Variants in ADAMTS18 observed in about 807,000 individuals in gnomAD.
The protein encoded by ADAMTS18 is A disintegrin and metalloproteinase with thrombospondin motifs 18.
ADAMTS18 carries 157 observed loss-of-function variants against 165.9 expected under a neutral mutation model. The observed-to-expected ratio is 0.95, with a 90% confidence interval of 0.83 to 1.08. The LOEUF is 1.08. Among genes scored for constraint, ADAMTS18 ranks in the 50% least tolerant of loss-of-function variants. The pLI is 0.00. For missense variants in ADAMTS18, 2,040 were observed against 1,534.0 expected, an observed-to-expected ratio of 1.33 and a Z score of -5.51; for synonymous variants, 782 against 578.2, an observed-to-expected ratio of 1.35 and a Z score of -5.06.
chr16:77,331,659 G>A (rs1386070947), intron 12 of ADAMTS18, among the ~76,000 whole-genome samples: 1 of 152,122 alleles, frequency 6.6e-6, no homozygotes, highest in Non-Finnish European at 1.5e-5. Context: ...GGTTGTCACA[G>A]TTTGGTGGGT....
At chr16:77,351,627 T>G (rs982877394) in intron 10 of ADAMTS18, among the ~76,000 whole-genome samples, 2 of 152,214 alleles carry the variant, frequency 1.3e-5, no homozygotes, top group African/African-American at 4.8e-5. Flanking sequence ...TAGAATGAAG[T>G]GAACAAGAGG....
chr16:77,283,796 C>A lies in ADAMTS18; in HGVS notation c.*160G>T, dbSNP rs2055194279. On this transcript the variant is annotated 3_prime_UTR_variant, in exon 23 of 23. Coordinates refer to ENST00000282849, the MANE Select transcript of ADAMTS18 (RefSeq NM_199355.4). ...GTGCTTCAGGGAATTGAGCTAGAAG[C>A]CTACTGGCAACCTGTCTGTTCCTCA... is the stretch of plus-strand genomic sequence containing the variant. 1 of 631,000 alleles carries A rather than the reference C, an allele frequency of 1.6e-6. No homozygotes were observed. Among genetic ancestry groups the A allele is most frequent in the Non-Finnish European group, 2.8e-6 (1 of 351,522 alleles). The allele number at this position is 631,000 out of a possible 1,614,324, so 39.1% of individuals were successfully genotyped here.
chr16:77,284,025 A>C lies in ADAMTS18; in HGVS notation c.3597T>G (p.Pro1199=). ...VDFFNWCHLV[P]QHGVCNHKFY... ...ACTTGTGGTTGCAGACACCATGCTGAGGAACTAGGTGACACCAGTTGAAGA... is the reference window on the plus strand; with the variant it reads ...ACTTGTGGTTGCAGACACCATGCTGCGGAACTAGGTGACACCAGTTGAAGA... The change falls in exon 23 of 23, where the codon CCT becomes CCG. Residue 1199 remains proline, a synonymous_variant. Coordinates refer to ENST00000282849, the MANE Select transcript of ADAMTS18 (RefSeq NM_199355.4). 1.2e-6 allele frequency: 2 copies of C among 1,613,976 alleles called. No individual in the cohort carries two copies. Among genetic ancestry groups the C allele is most frequent in the Non-Finnish European group, 1.7e-6 (2 of 1,179,908 alleles).
intron 3 of ADAMTS18, among the ~76,000 whole-genome samples, chr16:77,390,738 T>G (rs1375648061): frequency 6.6e-6 from 1 of 151,988 alleles, no homozygotes; most frequent in Non-Finnish European, 1.5e-5. Flanking sequence ...CCTGATGGCT[T>G]CCTTTAGACA....
intron 3 of ADAMTS18, among the ~76,000 whole-genome samples, chr16:77,380,548 G>A (rs1382925328): frequency 2.6e-5 from 4 of 152,130 alleles, no homozygotes; most frequent in African/African-American, 7.2e-5. Flanking sequence ...TAAGCTCTAT[G>A]TACTAATAGC....
chr16:77,405,709 G>A (rs899957261), intron 3 of ADAMTS18, among the ~76,000 whole-genome samples: 1 of 151,900 alleles, frequency 6.6e-6, no homozygotes, highest in African/African-American at 2.4e-5. Context: ...CGAAGCTCTG[G>A]CCACTATGGT....
intron 13 of ADAMTS18, among the ~76,000 whole-genome samples, chr16:77,323,707 G>C (rs990836472): frequency 6.6e-6 from 1 of 152,054 alleles, no homozygotes; most frequent in Admixed American, 6.6e-5. Context: ...TAAATTGCAG[G>C]AATGTCACAA....
At chr16:77,357,375 T>C (rs2562112) in intron 8 of ADAMTS18, among the ~76,000 whole-genome samples, 79,264 of 151,932 alleles carry the variant, frequency 0.52, 21,209 homozygotes, top group Non-Finnish European at 0.59. Flanking sequence ...AAAATAGGTA[T>C]TGACTAACGT....
At chr16:77,366,588 A>G (rs1372158355) in intron 4 of ADAMTS18, among the ~76,000 whole-genome samples, 2 of 152,172 alleles carry the variant, frequency 1.3e-5, no homozygotes, top group Non-Finnish European at 2.9e-5. Context: ...AAAACAAAAA[A>G]ACAAGCAAAA....
chr16:77,434,563 C>T (rs1391362570), intron 1 of ADAMTS18, 43 bp downstream of exon 1: 1 of 1,530,096 alleles, frequency 6.5e-7, no homozygotes, highest in South Asian at 1.2e-5. Flanking sequence ...GCGTCGGGCG[C>T]CCCCTGCCAC....
chr16:77,402,155 C>T (rs2057340041), intron 3 of ADAMTS18, among the ~76,000 whole-genome samples: 1 of 152,196 alleles, frequency 6.6e-6, no homozygotes, highest in African/African-American at 2.4e-5. Flanking sequence ...GGAACGCTGA[C>T]TAATACACTC....
At chr16:77,421,155 C>T (rs1475729391) in intron 3 of ADAMTS18, among the ~76,000 whole-genome samples, 3 of 152,192 alleles carry the variant, frequency 2.0e-5, no homozygotes, top group Non-Finnish European at 4.4e-5. Context: ...TTCCCAAGCT[C>T]AGCAGCATGA....
chr16:77,339,851 A>C (rs577288682), intron 11 of ADAMTS18, among the ~76,000 whole-genome samples: 1 of 151,264 alleles, frequency 6.6e-6, no homozygotes, highest in African/African-American at 2.4e-5. Flanking sequence ...TAAAACAAAG[A>C]GTTAAAAATT....
At chr16:77,432,715 A>G (rs932005699) in intron 2 of ADAMTS18, among the ~76,000 whole-genome samples, 1 of 152,024 alleles carries the variant, frequency 6.6e-6, no homozygotes, top group South Asian at 2.1e-4. Context: ...GAGGAGGAAA[A>G]GGAAGAGAAA....
chr16:77,355,321 G>C (rs1424450289), intron 9 of ADAMTS18, among the ~76,000 whole-genome samples: 1 of 151,890 alleles, frequency 6.6e-6, no homozygotes, highest in East Asian at 1.9e-4. Flanking sequence ...TAAGGTTTCT[G>C]TGTTATTAAA....
chr16:77,353,135 T>A (rs1247519634), intron 10 of ADAMTS18, among the ~76,000 whole-genome samples: 1 of 152,178 alleles, frequency 6.6e-6, no homozygotes, highest in African/African-American at 2.4e-5. Flanking sequence ...AAAGTTGAGA[T>A]TGTAATACTG....
At chr16:77,394,868 A>G (rs66465039) in intron 3 of ADAMTS18, among the ~76,000 whole-genome samples, 7,980 of 152,278 alleles carry the variant, frequency 0.052, 252 homozygotes, top group Non-Finnish European at 0.073. Context: ...GGGTGAGCCA[A>G]CTGGGCCATC....
intron 3 of ADAMTS18, among the ~76,000 whole-genome samples, chr16:77,402,121 G>A (rs555852692): frequency 5.3e-4 from 80 of 152,200 alleles, no homozygotes; most frequent in South Asian, 1.7e-3. Flanking sequence ...CTAATTGTAT[G>A]TCCTATGGGT....
At chr16:77,372,005 C>G (rs1392705063) in intron 3 of ADAMTS18, among the ~76,000 whole-genome samples, 7 of 151,960 alleles carry the variant, frequency 4.6e-5, no homozygotes, top group Admixed American at 4.6e-4. Context: ...ACATGGCCAA[C>G]AGGGGTATAT....
Sources: allele counts gnomAD v4.1 joint callset (sites outside exome capture counted in the v4.1 genomes callset), GRCh38; gene constraint gnomAD v4.1.1; transcripts MANE v1.5; gene names NCBI Gene and HGNC (gene_info 2026-07-23, HGNC 2026-07-21).